TGFBR3: variants seen among roughly 807,000 people sequenced by gnomAD.
TGFBR3 encodes transforming growth factor beta receptor type 3.
TGFBR3 carries 46 observed loss-of-function variants against 87.9 expected under a neutral mutation model. That is an observed-to-expected ratio of 0.52 (90% confidence interval 0.41 to 0.67). The LOEUF is 0.67. Ranked by LOEUF, TGFBR3 falls within the 30% of genes least tolerant of loss-of-function variation. The pLI is 0.00. For synonymous variants in TGFBR3, 381 were observed against 391.6 expected (o/e 0.97, Z 0.32); for missense variants, 866 against 1,041.9 (o/e 0.83, Z 2.32).
At chr1:91,779,608 T>C (rs1003109569) in intron 3 of TGFBR3, among the ~76,000 whole-genome samples, 1 of 152,224 alleles carries the variant, frequency 6.6e-6, no homozygotes, top group Non-Finnish European at 1.5e-5. Context: ...ATATGACATC[T>C]GAGCAAACAC....
At chr1:91,844,833 T>A (rs545583997) in intron 2 of TGFBR3, among the ~76,000 whole-genome samples, 1 of 152,368 alleles carries the variant, frequency 6.6e-6, no homozygotes, top group South Asian at 2.1e-4. Context: ...AATCATAGTC[T>A]TTTGTCAGTA....
At chr1:91,765,489 C>A (rs1424098299) in intron 3 of TGFBR3, among the ~76,000 whole-genome samples, 1 of 151,994 alleles carries the variant, frequency 6.6e-6, no homozygotes, top group African/African-American at 2.4e-5. Context: ...GACGGAGATG[C>A]TTCCTGGAAG....
At chr1:91,815,147 C>T (rs1441380351) in intron 2 of TGFBR3, among the ~76,000 whole-genome samples, 1 of 151,958 alleles carries the variant, frequency 6.6e-6, no homozygotes, top group African/African-American at 2.4e-5. Flanking sequence ...ACTAAAAATA[C>T]AAAAATTAGC....
At chr1:91,853,850 A>G (rs1300377327) in intron 2 of TGFBR3, among the ~76,000 whole-genome samples, 1 of 152,140 alleles carries the variant, frequency 6.6e-6, no homozygotes, top group East Asian at 1.9e-4. Flanking sequence ...CATCTCTACT[A>G]AAAATAACAA....
At chr1:91,844,061 G>C (rs1386353895) in intron 2 of TGFBR3, among the ~76,000 whole-genome samples, 1 of 152,194 alleles carries the variant, frequency 6.6e-6, no homozygotes, top group Non-Finnish European at 1.5e-5. Context: ...TGGGTTCCAA[G>C]ACTGCCTCTA....
chr1:91,753,487 C>T (rs1443802061), intron 4 of TGFBR3, among the ~76,000 whole-genome samples: 2 of 146,188 alleles, frequency 1.4e-5, no homozygotes, highest in Non-Finnish European at 3.0e-5. Context: ...GCCTTTTAAA[C>T]TGTACAATTC....
intron 2 of TGFBR3, among the ~76,000 whole-genome samples, chr1:91,861,029 G>A (rs1417376972): frequency 6.7e-6 from 1 of 150,220 alleles, no homozygotes; most frequent in African/African-American, 2.4e-5. Flanking sequence ...TGTCAAGAGT[G>A]TCACCTCAAT....
chr1:91,860,678 T>G (rs963436135), intron 2 of TGFBR3, among the ~76,000 whole-genome samples: 2 of 152,104 alleles, frequency 1.3e-5, no homozygotes, highest in African/African-American at 4.8e-5. Flanking sequence ...AAGTTAGTAA[T>G]CCCAGCACTT....
chr1:91,778,159 TAA>T (rs79576439), intron 3 of TGFBR3, among the ~76,000 whole-genome samples: 57 of 134,986 alleles, frequency 4.2e-4, no homozygotes, highest in Middle Eastern at 3.8e-3. Flanking sequence ...TAATCTAGGT[TAA>T]AAAAAAAAAA....
In TGFBR3 at chr1:91,768,212, C is replaced by CAAAA. The variant is rs3039442; in HGVS notation, c.247-9466_247-9463dup. Among the ~76,000 whole-genome samples, 276 of 127,350 alleles carry CAAAA rather than the reference C, an allele frequency of 2.2e-3. 1 individual carries two copies. Among genetic ancestry groups the CAAAA allele is most frequent in the Middle Eastern group, 7.9e-3 (2 of 254 alleles). The allele number at this position is 127,350 out of a possible 152,430, so 83.5% of individuals were successfully genotyped here. The stretch of plus-strand genomic sequence containing the variant: ...GGGCAACAAGAGCGAAACTCCATCT[C>CAAAA]AAAAAAAAAAAAAAAATAGAAGACT... On this transcript the variant is annotated intron_variant, in intron 3 of 16. Transcript: ENST00000212355.
chr1:91,743,551 C>A (rs1673229337), intron 4 of TGFBR3, among the ~76,000 whole-genome samples: 1 of 152,208 alleles, frequency 6.6e-6, no homozygotes, highest in South Asian at 2.1e-4. Context: ...GTACTTGTCA[C>A]CTTCTAAAAT....
rs920636840 is a variant in TGFBR3, at chr1:91,682,276, G to C, written c.*1463C>G. On this transcript the variant is annotated 3_prime_UTR_variant, in exon 17 of 17. Transcript: ENST00000212355. ...GGATTTGCTTATGAATATTTTGGGGGTAGAATCTATCTTGTTCTACTTATG... is the reference window on the plus strand; with the variant it reads ...GGATTTGCTTATGAATATTTTGGGGCTAGAATCTATCTTGTTCTACTTATG... 1 of 454,004 alleles carries C rather than the reference G, an allele frequency of 2.2e-6. No individual in the cohort carries two copies. Among genetic ancestry groups the C allele is most frequent in the African/African-American group, 2.0e-5 (1 of 50,098 alleles). The allele number at this position is 454,004 out of a possible 1,614,324, so 28.1% of individuals were successfully genotyped here.
intron 2 of TGFBR3, among the ~76,000 whole-genome samples, chr1:91,831,911 A>G (rs938216962): frequency 1.3e-5 from 2 of 152,260 alleles, no homozygotes; most frequent in Non-Finnish European, 2.9e-5. Flanking sequence ...GAGACAAAGT[A>G]ATAACAAAAC....
chr1:91,759,895 C>A (rs1018618061), intron 3 of TGFBR3, among the ~76,000 whole-genome samples: 1 of 152,224 alleles, frequency 6.6e-6, no homozygotes, highest in African/African-American at 2.4e-5. Context: ...GCACTAAATG[C>A]TGGACTATTT....
At chr1:91,727,950 AAC>A in intron 6 of TGFBR3, 144 bp from the exon 7 acceptor site, 2 of 897,018 alleles carry the variant, frequency 2.2e-6, no homozygotes, top group Non-Finnish European at 1.8e-6. Context: ...ACATGTGCAA[AAC>A]AGATTGTTAC....
upstream of TGFBR3, among the ~76,000 whole-genome samples, chr1:91,890,214 T>C (rs907922653): frequency 5.9e-5 from 9 of 152,036 alleles, no homozygotes; most frequent in Admixed American, 1.3e-4. Context: ...AGTGATTTAC[T>C]GAGGCTGTTT....
intron 3 of TGFBR3, among the ~76,000 whole-genome samples, chr1:91,761,107 A>G (rs2100902826): frequency 6.6e-6 from 1 of 152,382 alleles, no homozygotes; most frequent in East Asian, 1.9e-4. Context: ...TTTTCTTTGC[A>G]GTCCTCAGGC....
At chr1:91,888,047 A>G (rs1189720873), upstream of TGFBR3, among the ~76,000 whole-genome samples, 8 of 151,922 alleles carry the variant, frequency 5.3e-5, no homozygotes, top group South Asian at 1.0e-3. Flanking sequence ...GAGGAACCCA[A>G]TGGGAGGTAA....
At chr1:91,884,825 A>C (rs1475294499) in intron 1 of TGFBR3, among the ~76,000 whole-genome samples, 2 of 152,242 alleles carry the variant, frequency 1.3e-5, no homozygotes, top group African/African-American at 4.8e-5. Context: ...AGGAAGAAGA[A>C]ACGGTCTTGA....
Sources: allele counts gnomAD v4.1 joint callset (sites outside exome capture counted in the v4.1 genomes callset), GRCh38; gene constraint gnomAD v4.1.1; transcripts MANE v1.5; gene names NCBI Gene and HGNC (gene_info 2026-07-23, HGNC 2026-07-21).